The following CYSLTR2 variants were observed in gnomAD, a reference collection of about 807,000 sequenced individuals.
CYSLTR2 encodes cysteinyl leukotriene receptor 2.
For synonymous variants in CYSLTR2, 179 were observed against 160.8 expected, an observed-to-expected ratio of 1.11 and a Z score of -0.86; for missense variants, 398 against 411.9, an observed-to-expected ratio of 0.97 and a Z score of 0.29.
chr13:48,707,223 C>T lies in CYSLTR2; in HGVS notation c.406C>T (p.Arg136Cys), dbSNP rs764117879. The T allele has an allele frequency of 1.9e-5, 31 of 1,613,950 alleles. No homozygotes were observed. Among genetic ancestry groups the T allele is most frequent in the African/African-American group, 6.7e-5 (5 of 74,884 alleles). The change falls in exon 5 of 5, where the codon CGT (arginine) becomes TGT (cysteine). Residue 136 changes from arginine to cysteine, a missense_variant. Arg to Cys is a radical substitution (Grantham distance 180). Coordinates refer to ENST00000682523, the MANE Select transcript of CYSLTR2 (RefSeq NM_001308476.3). ...TTTCCTGACCGTGCTGAGTGTTGTGCGTTTCCTGGCAATGGTTCACCCCTT... is the reference window on the plus strand; with the variant it reads ...TTTCCTGACCGTGCTGAGTGTTGTGTGTTTCCTGGCAATGGTTCACCCCTT... ...IYFLTVLSVV[R>C]FLAMVHPFRL...
At chr13:48,680,790 CTTTTCTTTTCTTTTT>C (rs1953728826) in intron 1 of CYSLTR2, among the ~76,000 whole-genome samples, 1 of 87,404 alleles carries the variant, frequency 1.1e-5, no homozygotes, top group Admixed American at 1.1e-4. Flanking sequence ...TCTTTCTTTT[CTTTTCTTTTCTTTTT>C]TTTTTTTTTT....
chr13:48,707,358 A>C lies in CYSLTR2; in HGVS notation c.541A>C (p.Asn181His). ...IMLLDSGSEQ[N>H]GSVTSCLELN... ...GCTCCTGGACAGTGGCTCTGAGCAG[A>C]ACGGCAGTGTCACATCATGCTTAGA... is the stretch of plus-strand genomic sequence containing the variant. Residue 181 changes from asparagine to histidine, a missense_variant, in exon 5 of 5, where the codon AAC becomes CAC. Coordinates refer to ENST00000682523, the MANE Select transcript of CYSLTR2 (RefSeq NM_001308476.3). 3 of 1,614,142 alleles carry C rather than the reference A, an allele frequency of 1.9e-6. No homozygotes were observed. Among genetic ancestry groups the C allele is most frequent in the Non-Finnish European group, 2.5e-6 (3 of 1,180,032 alleles).
In CYSLTR2 at chr13:48,709,861, A is replaced by G. The variant is rs2139023011; in HGVS notation, c.*2003A>G. 1 of 152,340 alleles carries G rather than the reference A, an allele frequency of 6.6e-6. No individual in the cohort carries two copies. The allele number at this position is 152,340 out of a possible 1,614,324, so 9.4% of individuals were successfully genotyped here. A position where few individuals can be genotyped will look rare whatever the true frequency, so the allele number is the denominator to read the frequency against. ...GTGTAGCAGGCTTAGAAAGCAAGTCATTCATGTTGGAGCAGGACTCTTAAA... is the reference window on the plus strand; with the variant it reads ...GTGTAGCAGGCTTAGAAAGCAAGTCGTTCATGTTGGAGCAGGACTCTTAAA... On this transcript the variant is annotated 3_prime_UTR_variant, in exon 5 of 5. Transcript: ENST00000682523.
chr13:48,687,125 C>T (rs1458204744), intron 1 of CYSLTR2, among the ~76,000 whole-genome samples: 1 of 152,104 alleles, frequency 6.6e-6, no homozygotes, highest in Admixed American at 6.5e-5. Flanking sequence ...GGCTCTCTGG[C>T]CTTAGGACTC....
intron 1 of CYSLTR2, among the ~76,000 whole-genome samples, chr13:48,658,983 G>A (rs941835063): frequency 6.6e-6 from 1 of 152,112 alleles, no homozygotes; most frequent in Non-Finnish European, 1.5e-5. Context: ...GAGATAGGGA[G>A]CCATTGAGGA....
chr13:48,684,319 A>G (rs1350949764), intron 1 of CYSLTR2, among the ~76,000 whole-genome samples: 1 of 152,024 alleles, frequency 6.6e-6, no homozygotes, highest in Non-Finnish European at 1.5e-5. Context: ...GATTCTCATT[A>G]TGAACATGTC....
intron 4 of CYSLTR2, among the ~76,000 whole-genome samples, chr13:48,699,511 T>A (rs1441992547): frequency 1.3e-5 from 2 of 152,094 alleles, no homozygotes; most frequent in Non-Finnish European, 2.9e-5. Flanking sequence ...CTGGGACAAT[T>A]TAAAGCAGTG....
chr13:48,705,702 T>A (rs1954464143), intron 4 of CYSLTR2, among the ~76,000 whole-genome samples: 1 of 150,208 alleles, frequency 6.7e-6, no homozygotes, highest in African/African-American at 2.4e-5. Context: ...AGAAAACTTC[T>A]TATTTCCTCT....
At chr13:48,695,067 C>CTTTTT (rs1278951741) in intron 3 of CYSLTR2, among the ~76,000 whole-genome samples, 9 of 83,696 alleles carry the variant, frequency 1.1e-4, no homozygotes, top group Non-Finnish European at 1.6e-4. Context: ...CAGAACCTGG[C>CTTTTT]ATTTTTTTTT....
rs145739547 is a variant in CYSLTR2, at chr13:48,694,988, A to G, written c.-103+1478A>G. On this transcript the variant is annotated intron_variant, in intron 3 of 4. Transcript: ENST00000682523. ...TAATTAAAAATTCCCATGCACATGT[A>G]AAAAAAAAATAGAAAAATCTCTTGT... is the stretch of plus-strand genomic sequence containing the variant. Among the ~76,000 whole-genome samples the G allele has an allele frequency of 2.8e-3, 420 of 149,028 alleles. 7 individuals carry two copies. Among genetic ancestry groups the G allele is most frequent in the South Asian group, 0.019 (88 of 4,690 alleles).
chr13:48,659,637 A>T (rs1468536769), intron 1 of CYSLTR2, among the ~76,000 whole-genome samples: 1 of 152,188 alleles, frequency 6.6e-6, no homozygotes, highest in Non-Finnish European at 1.5e-5. Context: ...TTGATTATGG[A>T]CAGGGAGGAC....
chr13:48,696,754 A>G (rs1015483883), intron 4 of CYSLTR2, 128 bp downstream of exon 4: 3 of 152,294 alleles, frequency 2.0e-5, no homozygotes, highest in Non-Finnish European at 4.4e-5. Context: ...GGAAGCCATG[A>G]CAGATGGTAC....
intron 4 of CYSLTR2, among the ~76,000 whole-genome samples, 200 bp downstream of exon 4, chr13:48,696,826 A>C (rs1471240455): frequency 6.6e-6 from 1 of 152,186 alleles, no homozygotes; most frequent in African/African-American, 2.4e-5. Flanking sequence ...AGCAAACGGC[A>C]CACCAGGAGA....
intron 1 of CYSLTR2, among the ~76,000 whole-genome samples, chr13:48,689,203 G>T (rs991640141): frequency 3.3e-5 from 5 of 152,128 alleles, no homozygotes; most frequent in East Asian, 1.9e-4. Context: ...CCATTCTGTA[G>T]GTTGCCTGTT....
chr13:48,672,616 CTTTTTTT>C (rs71076039), intron 1 of CYSLTR2, among the ~76,000 whole-genome samples: 3 of 120,132 alleles, frequency 2.5e-5, no homozygotes, highest in African/African-American at 9.7e-5. Flanking sequence ...CTTTTCTTTT[CTTTTTTT>C]TTTTTTTTTT....
intron 4 of CYSLTR2, among the ~76,000 whole-genome samples, chr13:48,699,308 T>G (rs1594016472): frequency 6.6e-6 from 1 of 152,164 alleles, no homozygotes; most frequent in East Asian, 1.9e-4. Flanking sequence ...AGAACAGAAA[T>G]TATAACAAAC....
chr13:48,671,338 C>A (rs1425087756), intron 1 of CYSLTR2, among the ~76,000 whole-genome samples: 1 of 152,206 alleles, frequency 6.6e-6, no homozygotes, highest in East Asian at 1.9e-4. Flanking sequence ...TGAGAGAGGG[C>A]ATCCTTGTCT....
intron 1 of CYSLTR2, among the ~76,000 whole-genome samples, chr13:48,675,468 A>G (rs1446578974): frequency 6.6e-6 from 1 of 152,124 alleles, no homozygotes; most frequent in Non-Finnish European, 1.5e-5. Flanking sequence ...CCCAAGCCTC[A>G]GTAATGGTGG....
chr13:48,659,240 T>C (rs187323266), intron 1 of CYSLTR2, among the ~76,000 whole-genome samples: 4 of 152,268 alleles, frequency 2.6e-5, no homozygotes, highest in African/African-American at 7.2e-5. Context: ...GCAGGTGGGG[T>C]GGCAACAGGA....
Sources: allele counts gnomAD v4.1 joint callset (sites outside exome capture counted in the v4.1 genomes callset), GRCh38; gene constraint gnomAD v4.1.1; transcripts MANE v1.5; gene names NCBI Gene and HGNC (gene_info 2026-07-23, HGNC 2026-07-21).